IGF1R: variants seen among roughly 807,000 people sequenced by gnomAD.
The protein encoded by IGF1R is insulin-like growth factor 1 receptor.
A neutral mutation model predicts 144.6 loss-of-function variants in IGF1R; 44 were observed. That is an observed-to-expected ratio of 0.30 (90% confidence interval 0.24 to 0.39). The LOEUF (loss-of-function observed/expected upper bound fraction) is 0.39, where lower values mean the gene tolerates loss of function less well. IGF1R is among the 10% of genes least tolerant of loss of function. IGF1R has a pLI of 1.00. For synonymous variants in IGF1R, 795 were observed against 722.8 expected (o/e 1.10, Z -1.60); for missense variants, 1,355 against 1,833.7 (o/e 0.74, Z 4.77).
At chr15:98,946,004 G>T (rs968095221) in intron 19 of IGF1R, among the ~76,000 whole-genome samples, 11 of 152,092 alleles carry the variant, frequency 7.2e-5, no homozygotes, top group African/African-American at 2.7e-4. Flanking sequence ...ATGCGGGGAT[G>T]ATGATGATGA....
intron 11 of IGF1R, among the ~76,000 whole-genome samples, chr15:98,923,342 G>A (rs2015570170): frequency 1.3e-5 from 2 of 152,252 alleles, no homozygotes; most frequent in African/African-American, 4.8e-5. Flanking sequence ...TCACAGGCCG[G>A]GCTCGGGGCC....
intron 15 of IGF1R, among the ~76,000 whole-genome samples, chr15:98,932,803 T>TA (rs1196563609): frequency 3.9e-5 from 6 of 152,180 alleles, no homozygotes; most frequent in African/African-American, 1.4e-4. Context: ...CCTTGAAACA[T>TA]ACGTACTATG....
At chr15:98,812,642 A>G (rs532001953) in intron 2 of IGF1R, among the ~76,000 whole-genome samples, 2 of 152,222 alleles carry the variant, frequency 1.3e-5, no homozygotes, top group East Asian at 3.9e-4. Context: ...ACAGGCGTGA[A>G]CCACCGTGCC....
chr15:98,879,594 G>T (rs2013264366), intron 2 of IGF1R, among the ~76,000 whole-genome samples: 1 of 152,062 alleles, frequency 6.6e-6, no homozygotes, highest in Admixed American at 6.5e-5. Flanking sequence ...CAATTTAGTT[G>T]ATTTGATAGC....
intron 10 of IGF1R, among the ~76,000 whole-genome samples, chr15:98,918,585 C>G (rs1297507521): frequency 6.6e-6 from 1 of 152,076 alleles, no homozygotes; most frequent in East Asian, 1.9e-4. Context: ...TCTCGAAGTT[C>G]AAACCACCAG....
rs78903729 is a variant in IGF1R at position 98,909,941 on chromosome 15, G to A, written c.1462+1042G>A. ...CTGGATAGGGTTATAAAAGTAAATC[G>A]TCTTTTCACCTTTGGCTTTTAATAA... On this transcript the variant is annotated intron_variant, in intron 6 of 20. Transcript: ENST00000650285. Among the ~76,000 whole-genome samples, 174 of 152,244 alleles carry A rather than the reference G, an allele frequency of 1.1e-3. 1 individual carries two copies. The highest frequency in any genetic ancestry group is 3.9e-3 in the African/African-American group (160 of 41,542).
chr15:98,910,066 G>A (rs766415507), intron 6 of IGF1R, among the ~76,000 whole-genome samples: 14 of 152,338 alleles, frequency 9.2e-5, no homozygotes, highest in South Asian at 4.1e-4. Flanking sequence ...GAACCGATGC[G>A]TGTTTGGCTT....
intron 15 of IGF1R, among the ~76,000 whole-genome samples, chr15:98,934,457 A>G (rs111395923): frequency 2.2e-4 from 34 of 152,266 alleles, no homozygotes; most frequent in Non-Finnish European, 4.7e-4. Flanking sequence ...TCAGTTTCTC[A>G]ATCCCCTGTG....
At chr15:98,779,686 A>T (rs1284312289) in intron 2 of IGF1R, among the ~76,000 whole-genome samples, 1 of 152,218 alleles carries the variant, frequency 6.6e-6, no homozygotes, top group African/African-American at 2.4e-5. Flanking sequence ...TTGACAACAC[A>T]TTAGCACTTG....
chr15:98,772,741 C>CT lies in IGF1R; in HGVS notation c.640+64645dup, dbSNP rs200203381. ...GCCACTGTGCCCAGCCAAAAGGTCA[C>CT]TTTTTTTTTTTCCTTGTTGGGGAGG... On this transcript the variant is annotated intron_variant, in intron 2 of 20. Transcript: ENST00000650285. Among the ~76,000 whole-genome samples, 231 of 145,802 alleles carry CT rather than the reference C, an allele frequency of 1.6e-3. 2 individuals are homozygous for CT. The highest frequency in any genetic ancestry group is 6.9e-3 in the East Asian group (35 of 5,042).
At chr15:98,837,285 C>G (rs538521305) in intron 2 of IGF1R, among the ~76,000 whole-genome samples, 10 of 152,250 alleles carry the variant, frequency 6.6e-5, no homozygotes, top group Admixed American at 5.2e-4. Flanking sequence ...AGTCGCCAGA[C>G]TGGAGTGCAG....
Position 98,935,616 on chromosome 15 carries a change from G to A in IGF1R, c.3297+190G>A, listed in dbSNP as rs552970244. ...CAACTAGAGTCAGACTCTGATCTTC[G>A]TGAGGGGAACTTCCTGTTCCTTGGA... On this transcript the variant is annotated intron_variant, in intron 17 of 20. Transcript: ENST00000650285. This position sits in a 1 kb window ranked among gnomAD's most constrained non-coding sequence, Gnocchi z 4.2. Among the ~76,000 whole-genome samples, 10 of 152,202 alleles carry A rather than the reference G, an allele frequency of 6.6e-5. No homozygotes were observed. The highest frequency in any genetic ancestry group is 3.4e-3 in the Middle Eastern group (1 of 294).
At chr15:98,809,154 A>G (rs1471261911) in intron 2 of IGF1R, among the ~76,000 whole-genome samples, 1 of 152,004 alleles carries the variant, frequency 6.6e-6, no homozygotes, top group Non-Finnish European at 1.5e-5. Flanking sequence ...GCCCTTTGAC[A>G]CTCCGGGGGC....
chr15:98,944,853 C>T (rs1011217480), intron 19 of IGF1R, among the ~76,000 whole-genome samples: 1 of 152,220 alleles, frequency 6.6e-6, no homozygotes, highest in Non-Finnish European at 1.5e-5. Context: ...TTGCTCTTAG[C>T]AAATCTTTCG....
rs1182007343 is a variant in IGF1R at position 98,958,274 on chromosome 15, T to C, written c.*832T>C. 2 of 231,180 alleles carry C rather than the reference T, an allele frequency of 8.7e-6. No individual in the cohort carries two copies. The highest frequency in any genetic ancestry group is 1.7e-5 in the Non-Finnish European group (2 of 116,902). 14.3% of individuals were successfully genotyped at this position (231,180 alleles called of 1,614,324 possible). On this transcript the variant is annotated 3_prime_UTR_variant, in exon 21 of 21. Transcript: ENST00000650285. Reference sequence around the variant, plus strand: ...TCTCTCAGTGAAGGTGGGGAGAAGCTGAACCGGCTTCCCTGCCCTGCCTCC... The same window carrying C: ...TCTCTCAGTGAAGGTGGGGAGAAGCCGAACCGGCTTCCCTGCCCTGCCTCC...
intron 2 of IGF1R, among the ~76,000 whole-genome samples, chr15:98,752,212 G>A (rs780301663): frequency 3.9e-4 from 59 of 152,218 alleles, no homozygotes; most frequent in Non-Finnish European, 7.1e-4. Context: ...CAAAACATTC[G>A]TGTGTGAACT....
chr15:98,856,452 C>T (rs144062377), intron 2 of IGF1R, among the ~76,000 whole-genome samples: 35 of 152,304 alleles, frequency 2.3e-4, no homozygotes, highest in African/African-American at 8.2e-4. Context: ...GATGCAATAG[C>T]ATATGTAAAA....
At chr15:98,722,499 A>G (rs1157821192) in intron 2 of IGF1R, among the ~76,000 whole-genome samples, 2 of 152,142 alleles carry the variant, frequency 1.3e-5, no homozygotes, top group African/African-American at 4.8e-5. Flanking sequence ...TGAGGTCTGA[A>G]TGGTGGTTTA....
intron 2 of IGF1R, among the ~76,000 whole-genome samples, chr15:98,887,787 T>C (rs1052207727): frequency 5.9e-5 from 9 of 152,250 alleles, no homozygotes; most frequent in African/African-American, 1.7e-4. Context: ...GAGTCTGCTC[T>C]CTTCCAGCCT....
Sources: allele counts gnomAD v4.1 joint callset (sites outside exome capture counted in the v4.1 genomes callset), GRCh38; gene constraint gnomAD v4.1.1; non-coding constraint Gnocchi (gnomAD v3.1); transcripts MANE v1.5; gene names NCBI Gene and HGNC (gene_info 2026-07-23, HGNC 2026-07-21).